Variants in SCFD2 observed in about 807,000 individuals in gnomAD.
The protein encoded by SCFD2 is sec1 family domain containing 2.
A neutral mutation model predicts 58.9 loss-of-function variants in SCFD2; 54 were observed. The observed-to-expected ratio is 0.92, with a 90% CI of 0.74 to 1.15. The LOEUF is 1.15. Ranked by LOEUF, SCFD2 falls within the 50% of genes most tolerant of loss-of-function variation. SCFD2 has a pLI of 0.00. For synonymous variants in SCFD2, 321 were observed against 335.9 expected, an observed-to-expected ratio of 0.96 and a Z score of 0.49; for missense variants, 805 against 836.6, an observed-to-expected ratio of 0.96 and a Z score of 0.47.
intron 8 of SCFD2, among the ~76,000 whole-genome samples, chr4:52,876,756 GAAAAAAAAAAAA>G (rs761229349): frequency 9.2e-5 from 5 of 54,394 alleles, no homozygotes; most frequent in Non-Finnish European, 1.4e-4. Flanking sequence ...TCTCTGTCTC[GAAAAAAAAAAAA>G]AAAAAAAAAA....
intron 5 of SCFD2, among the ~76,000 whole-genome samples, chr4:52,971,738 A>G (rs972994549): frequency 2.0e-5 from 3 of 152,218 alleles, no homozygotes; most frequent in African/African-American, 7.2e-5. Context: ...GTTGAAATGA[A>G]GGAAAAAATG....
intron 8 of SCFD2, among the ~76,000 whole-genome samples, chr4:52,879,257 A>C (rs1577792563): frequency 6.6e-6 from 1 of 152,228 alleles, no homozygotes; most frequent in East Asian, 1.9e-4. Context: ...CCATCTACCC[A>C]CCAGAATACC....
At chr4:53,208,371 TCAA>T (rs1236081590) in intron 4 of SCFD2, among the ~76,000 whole-genome samples, 1 of 152,146 alleles carries the variant, frequency 6.6e-6, no homozygotes, top group Non-Finnish European at 1.5e-5. Flanking sequence ...TGCAGGTACA[TCAA>T]CAATGATCTA....
intron 5 of SCFD2, among the ~76,000 whole-genome samples, chr4:53,078,930 G>T (rs377075428): frequency 6.6e-6 from 1 of 152,160 alleles, no homozygotes; most frequent in East Asian, 1.9e-4. Flanking sequence ...AACACAGAGT[G>T]ATCCTGGTAA....
intron 5 of SCFD2, among the ~76,000 whole-genome samples, chr4:53,060,077 T>A (rs1400432883): frequency 6.6e-6 from 1 of 152,094 alleles, no homozygotes; most frequent in Non-Finnish European, 1.5e-5. Context: ...GAAAAATGAT[T>A]CTCTCAAATG....
At chr4:52,984,112 T>A (rs1434316839) in intron 5 of SCFD2, among the ~76,000 whole-genome samples, 3 of 152,186 alleles carry the variant, frequency 2.0e-5, no homozygotes, top group African/African-American at 7.2e-5. Context: ...TCAAAAAGCA[T>A]CTCAAGCCTA....
At chr4:53,250,805 A>G (rs1262167538) in intron 4 of SCFD2, among the ~76,000 whole-genome samples, 1 of 152,240 alleles carries the variant, frequency 6.6e-6, no homozygotes, top group Non-Finnish European at 1.5e-5. Flanking sequence ...AAGATCTAAA[A>G]TTGACACCCT....
At chr4:53,263,405 G>A (rs1488500359) in intron 4 of SCFD2, among the ~76,000 whole-genome samples, 1 of 152,194 alleles carries the variant, frequency 6.6e-6, no homozygotes, top group East Asian at 1.9e-4. Flanking sequence ...CTGGGACTCG[G>A]GGCTGCTGTT....
chr4:53,227,464 T>A (rs1187860597), intron 4 of SCFD2, among the ~76,000 whole-genome samples: 1 of 152,192 alleles, frequency 6.6e-6, no homozygotes, highest in Non-Finnish European at 1.5e-5. Flanking sequence ...AAGATGACGC[T>A]AAAGTTCTTC....
chr4:53,229,793 C>A (rs1198727696), intron 4 of SCFD2, among the ~76,000 whole-genome samples: 1 of 152,182 alleles, frequency 6.6e-6, no homozygotes, highest in African/African-American at 2.4e-5. Context: ...AACTAAAGAG[C>A]TTCTGCGCAG....
chr4:53,185,634 G>A (rs576888807), intron 4 of SCFD2, among the ~76,000 whole-genome samples: 12 of 151,960 alleles, frequency 7.9e-5, no homozygotes, highest in African/African-American at 2.4e-4. Flanking sequence ...AATTAAGCTG[G>A]AATTACTCTA....
chr4:53,319,333 T>G (rs1157688432), intron 2 of SCFD2, among the ~76,000 whole-genome samples: 1 of 152,226 alleles, frequency 6.6e-6, no homozygotes, highest in African/African-American at 2.4e-5. Context: ...AATTTTCCAC[T>G]TTTATTCAGC....
intron 5 of SCFD2, among the ~76,000 whole-genome samples, chr4:53,017,780 G>A (rs114723715): frequency 1.1e-3 from 168 of 152,164 alleles, no homozygotes; most frequent in African/African-American, 3.8e-3. Flanking sequence ...CCTCCCACTT[G>A]CTCATTCCAC....
At chr4:53,037,151 G>GTAAAA (rs1722784786) in intron 5 of SCFD2, among the ~76,000 whole-genome samples, 1 of 152,036 alleles carries the variant, frequency 6.6e-6, no homozygotes, top group Non-Finnish European at 1.5e-5. Flanking sequence ...ATCAACTGAG[G>GTAAAA]ACTGTTCAAA....
intron 4 of SCFD2, among the ~76,000 whole-genome samples, chr4:53,178,037 C>G (rs963010721): frequency 9.2e-5 from 14 of 152,228 alleles, no homozygotes; most frequent in African/African-American, 3.4e-4. Flanking sequence ...GAGCCCACCA[C>G]AGCTCCAGGA....
intron 6 of SCFD2, among the ~76,000 whole-genome samples, chr4:52,911,397 T>C (rs916484191): frequency 6.6e-6 from 1 of 152,220 alleles, no homozygotes; most frequent in Non-Finnish European, 1.5e-5. Flanking sequence ...TGAGCTGGGT[T>C]CTCCTTGGGG....
At chr4:53,237,626 G>A (rs1382581867) in intron 4 of SCFD2, among the ~76,000 whole-genome samples, 56 of 125,142 alleles carry the variant, frequency 4.5e-4, no homozygotes, top group African/African-American at 1.4e-3. Flanking sequence ...CGGACGGGGC[G>A]GCTGGCCGGG....
At chr4:53,059,200 A>G (rs1334012649) in intron 5 of SCFD2, among the ~76,000 whole-genome samples, 4 of 152,150 alleles carry the variant, frequency 2.6e-5, no homozygotes, top group African/African-American at 9.6e-5. Context: ...AGAGACCTCA[A>G]AACTAAGGAC....
intron 4 of SCFD2, among the ~76,000 whole-genome samples, chr4:53,159,326 G>A (rs1726785870): frequency 6.6e-6 from 1 of 152,178 alleles, no homozygotes; most frequent in South Asian, 2.1e-4. Flanking sequence ...ATCAGCTGGT[G>A]AATGTTTGAG....
Sources: gnomAD v4.1 joint callset for allele counts (sites outside exome capture counted in the v4.1 genomes callset) on GRCh38, gnomAD v4.1.1 for gene constraint, MANE v1.5 for transcripts, NCBI Gene and HGNC (gene_info 2026-07-23, HGNC 2026-07-21) for gene names.